The following ISLR2 variants were observed in gnomAD, a reference collection of about 807,000 sequenced individuals.
ISLR2 encodes immunoglobulin superfamily containing leucine rich repeat 2.
ISLR2 carries 16 observed loss-of-function variants against 25.5 expected under a neutral mutation model. The observed-to-expected ratio is 0.63, with a 90% CI of 0.43 to 0.95. ISLR2 has a LOEUF of 0.95. ISLR2 is among the 40% of genes least tolerant of loss of function. The probability of loss-of-function intolerance (pLI) is 0.00; values close to 1 mark genes in which losing one functional copy is unlikely to be tolerated. For missense variants in ISLR2, 883 were observed against 1,030.7 expected, an observed-to-expected ratio of 0.86 and a Z score of 1.96; for synonymous variants, 508 against 486.6, an observed-to-expected ratio of 1.04 and a Z score of -0.58.
upstream of ISLR2, chr15:74,128,306 G>C (rs2072327541): frequency 3.0e-5 from 12 of 403,632 alleles, 1 homozygote; most frequent in South Asian, 2.2e-4. Flanking sequence ...TCGAAGGCAG[G>C]GGTAAGGGGC....
downstream of ISLR2, among the ~76,000 whole-genome samples, chr15:74,141,228 T>C (rs946290841): frequency 1.3e-5 from 2 of 152,230 alleles, no homozygotes; most frequent in African/African-American, 2.4e-5. Context: ...AAAAAGTGTT[T>C]GTATTTTTAT....
chr15:74,129,008 C>T (rs527587047), upstream of ISLR2: 1 of 456,770 alleles, frequency 2.2e-6, no homozygotes, highest in East Asian at 6.9e-5. The surrounding 1 kb of genome is among the most constrained non-coding windows in gnomAD (Gnocchi z 4.5). Context: ...CACAGGATCC[C>T]CGGCAGGGAC....
At position 74,133,250 on chromosome 15, in the gene ISLR2, A is replaced by T; in HGVS notation, c.496A>T (p.Thr166Ser). 6.2e-7 allele frequency: 1 copy of T among 1,612,026 alleles called. No individual in the cohort carries two copies. Among genetic ancestry groups the T allele is most frequent in the Middle Eastern group, 1.6e-4 (1 of 6,062 alleles). Residue 166 changes from threonine to serine, a missense_variant, in exon 3 of 3, where the codon ACC becomes TCC. Thr to Ser is a moderately conservative substitution (Grantham distance 58). Coordinates refer to ENST00000453268, the MANE Select transcript of ISLR2 (RefSeq NM_020851.3). ...NNRLRTLAPG[T>S]FDALSALSHL... Reference sequence around the variant, plus strand: ...CCGGCTGCGTACGCTGGCGCCTGGCACCTTCGACGCGCTTAGCGCGCTGTC... The same window carrying T: ...CCGGCTGCGTACGCTGGCGCCTGGCTCCTTCGACGCGCTTAGCGCGCTGTC...
In ISLR2 at chr15:74,135,809, C is replaced by T. The variant is rs896302276; in HGVS notation, c.*817C>T. On this transcript the variant is annotated 3_prime_UTR_variant, in exon 3 of 3. Transcript: ENST00000453268. ...TGAGGCACCGCGCCCGGCCCCTCCT[C>T]CCTTTCAATCCCTACTCCCAGAAGC... 3 of 166,648 alleles carry T rather than the reference C, an allele frequency of 1.8e-5. No individual in the cohort carries two copies. Among genetic ancestry groups the T allele is most frequent in the Non-Finnish European group, 4.4e-5 (3 of 68,198 alleles). 10.3% of individuals were successfully genotyped at this position (166,648 alleles called of 1,614,324 possible). A position where few individuals can be genotyped will look rare whatever the true frequency, so the allele number is the denominator to read the frequency against.
chr15:74,134,442 A>G lies in ISLR2; in HGVS notation c.1688A>G (p.Asn563Ser), dbSNP rs773016095. Reference protein sequence around the residue: ...YWFRGLRPGTNYSVCLALAGE... With the variant: ...YWFRGLRPGTSYSVCLALAGE... ...TTCCGCGGCCTGCGGCCGGGTACCA[A>G]CTACTCCGTGTGCCTGGCGCTGGCG... The change falls in exon 3 of 3, where the codon AAC becomes AGC. Residue 563 changes from asparagine to serine, a missense_variant. Asn to Ser is a conservative substitution (Grantham distance 46, BLOSUM62 1). Transcript: ENST00000453268. The G allele has an allele frequency of 6.2e-7, 1 of 1,612,642 alleles. No individual in the cohort carries two copies. The highest frequency in any genetic ancestry group is 8.5e-7 in the Non-Finnish European group (1 of 1,179,890).
chr15:74,134,247 C>T lies in ISLR2; in HGVS notation c.1493C>T (p.Ala498Val), dbSNP rs1245525710. ...VIALDVAERE[A>V]RVQLTPLAAR... ...GCGCTGGATGTGGCGGAGCGCGAGG[C>T]GCGGGTGCAGCTGACTCCGCTGGCT... Residue 498 changes from alanine (A) to valine (V), a missense_variant, in exon 3 of 3, where the codon GCG (alanine) becomes GTG (valine). This residue lies in a region of ISLR2 where 612 missense variants were observed against 642.8 expected (regional missense o/e 0.95). Transcript: ENST00000453268. 2 of 1,582,770 alleles carry T rather than the reference C, an allele frequency of 1.3e-6. No individual in the cohort carries two copies. Among genetic ancestry groups the T allele is most frequent in the Non-Finnish European group, 1.7e-6 (2 of 1,164,696 alleles).
At chr15:74,108,262 T>G (rs1238126210) in intron 2 of ISLR2, among the ~76,000 whole-genome samples, 2 of 152,162 alleles carry the variant, frequency 1.3e-5, no homozygotes, top group African/African-American at 4.8e-5. Context: ...TCCCCTTGCC[T>G]GCAGCTGTTG....
rs1369865172 is a variant in ISLR2 at position 74,112,192 on chromosome 15, A to G, written n.228+8278A>G. ...ATTGGATGACTGGCATCTATAACCCATTCAATGCACAATTGCCCCTGGCCA... is the reference window on the plus strand; with the variant it reads ...ATTGGATGACTGGCATCTATAACCCGTTCAATGCACAATTGCCCCTGGCCA... On this transcript the variant is annotated intron_variant and non_coding_transcript_variant, in intron 2 of 3. Coordinates refer to the ISLR2 transcript ENST00000561975. Among the ~76,000 whole-genome samples the G allele has an allele frequency of 2.0e-5, 3 of 152,348 alleles. No individual in the cohort carries two copies. In the East Asian group the frequency reaches 5.8e-4, roughly 29 times the overall value.
upstream of ISLR2, chr15:74,128,897 G>A (rs1283349954): frequency 1.7e-5 from 7 of 404,832 alleles, no homozygotes; most frequent in Non-Finnish European, 3.4e-5. Context: ...GACAAAGAAG[G>A]GTGTGCTGGC....
At chr15:74,106,596 C>T (rs1385040239) in intron 2 of ISLR2, among the ~76,000 whole-genome samples, 1 of 152,132 alleles carries the variant, frequency 6.6e-6, no homozygotes, top group East Asian at 1.9e-4. Flanking sequence ...TAGGCTTCCA[C>T]TGATGGGATA....
At chr15:74,120,915 C>T (rs925824953) in intron 2 of ISLR2, among the ~76,000 whole-genome samples, 2 of 152,048 alleles carry the variant, frequency 1.3e-5, no homozygotes, top group African/African-American at 4.8e-5. Flanking sequence ...AAGCAGTCTG[C>T]TTCTTCCCTT....
upstream of ISLR2, among the ~76,000 whole-genome samples, chr15:74,125,093 C>T (rs1203295265): frequency 6.6e-6 from 1 of 152,214 alleles, no homozygotes; most frequent in Non-Finnish European, 1.5e-5. Context: ...TTTACCATGG[C>T]AAGTCCTGCC....
chr15:74,113,832 C>T (rs1160091508), intron 2 of ISLR2, among the ~76,000 whole-genome samples: 1 of 152,218 alleles, frequency 6.6e-6, no homozygotes, highest in African/African-American at 2.4e-5. Context: ...GTGTTTCCAG[C>T]ACTCTGTGAC....
chr15:74,108,843 C>G (rs1162628828), intron 2 of ISLR2, among the ~76,000 whole-genome samples: 1 of 152,070 alleles, frequency 6.6e-6, no homozygotes, highest in African/African-American at 2.4e-5. Flanking sequence ...ACAGGAGGTG[C>G]TGGTGGGTAC....
downstream of ISLR2, among the ~76,000 whole-genome samples, chr15:74,138,955 G>A (rs1167831953): frequency 2.0e-5 from 3 of 152,112 alleles, no homozygotes; most frequent in Admixed American, 2.0e-4. Context: ...CAGTTTTGGT[G>A]CAACTCAATC....
intron 2 of ISLR2, among the ~76,000 whole-genome samples, chr15:74,109,286 G>T (rs994468499): frequency 9.2e-5 from 14 of 151,924 alleles, no homozygotes; most frequent in African/African-American, 3.4e-4. Context: ...CATTGTGAGG[G>T]CCCTGGGAAA....
chr15:74,112,372 T>C (rs2072174729), intron 2 of ISLR2, among the ~76,000 whole-genome samples: 1 of 152,178 alleles, frequency 6.6e-6, no homozygotes. Context: ...GTACCATGCA[T>C]ATTTAGGACA....
At position 74,132,671 on chromosome 15, in the gene ISLR2, G is replaced by A; in HGVS notation, c.-8-76G>A. On this transcript the variant is annotated intron_variant, in intron 2 of 2. Transcript: ENST00000453268. This position sits in a 1 kb window ranked among gnomAD's most constrained non-coding sequence, Gnocchi z 4.3. ...ACTAGTGCTAAACGGGCTTGCGGAG[G>A]CACAGCTTGATAGGGGAGGTAAGCT... The A allele has an allele frequency of 1.3e-6, 2 of 1,511,812 alleles. No homozygotes were observed. Among genetic ancestry groups the A allele is most frequent in the Non-Finnish European group, 1.8e-6 (2 of 1,129,786 alleles). 93.6% of individuals were successfully genotyped at this position (1,511,812 alleles called of 1,614,324 possible).
At chr15:74,128,740 G>C (rs1339679948), upstream of ISLR2, 1 of 443,970 alleles carries the variant, frequency 2.3e-6, no homozygotes, top group South Asian at 1.6e-5. Flanking sequence ...ACGCCATGCC[G>C]GACCGGACTC....
Sources: allele counts gnomAD v4.1 joint callset (sites outside exome capture counted in the v4.1 genomes callset), GRCh38; gene constraint gnomAD v4.1.1; regional missense constraint gnomAD v4.1.1; non-coding constraint Gnocchi (gnomAD v3.1); transcripts MANE v1.5; gene names NCBI Gene and HGNC (gene_info 2026-07-23, HGNC 2026-07-21).